Variants in LMBRD1 observed in about 807,000 individuals in gnomAD.
LMBRD1 encodes lysosomal cobalamin transport escort protein LMBD1.
Under a neutral mutation model 74.8 loss-of-function variants are expected in LMBRD1, and 64 were observed. That is an observed-to-expected ratio of 0.86 (90% confidence interval 0.70 to 1.05). The LOEUF (loss-of-function observed/expected upper bound fraction) is 1.05. Among genes scored for constraint, LMBRD1 ranks in the 50% least tolerant of loss-of-function variants. The pLI is 0.00. For missense variants in LMBRD1, 652 were observed against 645.9 expected (o/e 1.01, Z -0.10); for synonymous variants, 204 against 216.3 (o/e 0.94, Z 0.50).
At chr6:69,734,145 AG>A (rs148597437) in intron 7 of LMBRD1, among the ~76,000 whole-genome samples, 2,716 of 152,304 alleles carry the variant, frequency 0.018, 77 homozygotes, top group African/African-American at 0.06. Flanking sequence ...AATAACTGCT[AG>A]GAAGTTGGAT....
intron 8 of LMBRD1, among the ~76,000 whole-genome samples, chr6:69,717,746 G>A (rs998638559): frequency 6.6e-6 from 1 of 152,148 alleles, no homozygotes; most frequent in African/African-American, 2.4e-5. Context: ...CAGATAGGCT[G>A]GAGTGCAGCG....
At chr6:69,692,549 T>C (rs1765911181) in intron 14 of LMBRD1, among the ~76,000 whole-genome samples, 1 of 152,302 alleles carries the variant, frequency 6.6e-6, no homozygotes, top group African/African-American at 2.4e-5. Flanking sequence ...AAATATTCAA[T>C]AGTGTTGCCA....
In LMBRD1 at chr6:69,716,005, T is replaced by C. The variant is rs138070420; in HGVS notation, c.763-2208A>G. Among the ~76,000 whole-genome samples, 1,076 of 152,358 alleles carry C rather than the reference T, an allele frequency of 7.1e-3. 23 individuals carry two copies. In the East Asian group the frequency reaches 0.079, roughly 11 times the overall value. ...GTGTATATGTAACACATTTTCTTTA[T>C]GCAGTCTACCATTGATGAGCATTTA... is the stretch of plus-strand genomic sequence containing the variant. On this transcript the variant is annotated intron_variant, in intron 8 of 15. Coordinates refer to ENST00000649934, the MANE Select transcript of LMBRD1 (RefSeq NM_018368.4).
chr6:69,739,319 C>T (rs1378877626), intron 6 of LMBRD1, among the ~76,000 whole-genome samples: 1 of 151,904 alleles, frequency 6.6e-6, no homozygotes, highest in Non-Finnish European at 1.5e-5. Flanking sequence ...TTAATTATTC[C>T]CATTTGGGTA....
chr6:69,680,475 T>C (rs991135057), intron 14 of LMBRD1, among the ~76,000 whole-genome samples: 6 of 152,154 alleles, frequency 3.9e-5, no homozygotes, highest in African/African-American at 1.4e-4. Context: ...TCTCCAGACA[T>C]CTAATAATCC....
At chr6:69,690,901 G>T (rs1765861773) in intron 14 of LMBRD1, among the ~76,000 whole-genome samples, 1 of 152,006 alleles carries the variant, frequency 6.6e-6, no homozygotes, top group African/African-American at 2.4e-5. Flanking sequence ...TTTAAGATTT[G>T]CTAGTTGCTA....
intron 7 of LMBRD1, among the ~76,000 whole-genome samples, 190 bp from the exon 8 acceptor site, chr6:69,719,271 G>A (rs1037623294): frequency 4.6e-5 from 7 of 152,088 alleles, no homozygotes; most frequent in African/African-American, 1.7e-4. Context: ...GCATTAAACA[G>A]AGTCAAATTT....
At chr6:69,762,941 A>G (rs746512047) in intron 3 of LMBRD1, among the ~76,000 whole-genome samples, 1 of 152,178 alleles carries the variant, frequency 6.6e-6, no homozygotes, top group Admixed American at 6.6e-5. Context: ...AGTATGTGGT[A>G]TTTTGTTAGA....
chr6:69,780,439 G>GT, intron 3 of LMBRD1, 55 bp downstream of exon 3: 1 of 1,262,438 alleles, frequency 7.9e-7, no homozygotes, highest in Non-Finnish European at 1.2e-6. Context: ...CATCGGAGTC[G>GT]TATCAGTATT....
intron 7 of LMBRD1, among the ~76,000 whole-genome samples, chr6:69,719,891 G>A (rs1766576727): frequency 6.6e-6 from 1 of 152,082 alleles, no homozygotes; most frequent in African/African-American, 2.4e-5. Flanking sequence ...CCTGTTAGAT[G>A]GGCCATGAGA....
At chr6:69,695,590 C>G (rs1463055178) in intron 14 of LMBRD1, among the ~76,000 whole-genome samples, 1 of 152,148 alleles carries the variant, frequency 6.6e-6, no homozygotes, top group African/African-American at 2.4e-5. Context: ...CTTATAACAC[C>G]TAATACAATG....
At chr6:69,713,557 T>C in intron 9 of LMBRD1, 88 bp downstream of exon 9, 3 of 1,326,632 alleles carry the variant, frequency 2.3e-6, no homozygotes, top group East Asian at 2.3e-5. Flanking sequence ...CATGCTGTAA[T>C]GCCTCAAAAG....
chr6:69,728,175 G>C (rs1449183693), intron 7 of LMBRD1, among the ~76,000 whole-genome samples: 1 of 152,190 alleles, frequency 6.6e-6, no homozygotes, highest in Non-Finnish European at 1.5e-5. Context: ...AGGAAGAAGA[G>C]AGTGAAGTGG....
At chr6:69,779,269 T>C (rs2149892520) in intron 3 of LMBRD1, among the ~76,000 whole-genome samples, 1 of 152,028 alleles carries the variant, frequency 6.6e-6, no homozygotes, top group East Asian at 1.9e-4. Context: ...CAGTTTCCCA[T>C]TTAATGTCCT....
Position 69,737,827 on chromosome 6 carries a change from A to C in LMBRD1, c.636+115T>G. The C allele has an allele frequency of 5.1e-6, 4 of 784,084 alleles. 1 individual carries two copies. The highest frequency in any genetic ancestry group is 8.4e-6 in the Non-Finnish European group (4 of 476,784). The allele number at this position is 784,084 out of a possible 1,614,324, so 48.6% of individuals were successfully genotyped here. ...CTTAAGTAAAGAAAACTGAAGAAAA[A>C]TTGAAAAAGAATCAAAATATTATAA... is the stretch of plus-strand genomic sequence containing the variant. On this transcript the variant is annotated intron_variant, in intron 7 of 15. Coordinates refer to ENST00000649934, the MANE Select transcript of LMBRD1 (RefSeq NM_018368.4).
chr6:69,703,995 A>T (rs1766192813), intron 9 of LMBRD1, among the ~76,000 whole-genome samples: 1 of 152,020 alleles, frequency 6.6e-6, no homozygotes, highest in African/African-American at 2.4e-5. Context: ...TCATGATTAT[A>T]TTTAGATTAT....
At chr6:69,736,513 C>T (rs1452680234) in intron 7 of LMBRD1, among the ~76,000 whole-genome samples, 1 of 152,152 alleles carries the variant, frequency 6.6e-6, no homozygotes, top group Non-Finnish European at 1.5e-5. Flanking sequence ...AGTTGTCATC[C>T]ACAAAACTGG....
chr6:69,680,028 G>A (rs967517442), intron 14 of LMBRD1, among the ~76,000 whole-genome samples: 2 of 152,066 alleles, frequency 1.3e-5, no homozygotes, highest in Non-Finnish European at 2.9e-5. Context: ...CTCTGTGCAT[G>A]CCCATTATTT....
intron 5 of LMBRD1, among the ~76,000 whole-genome samples, chr6:69,744,775 A>G (rs763828706): frequency 6.6e-6 from 1 of 151,850 alleles, no homozygotes; most frequent in Non-Finnish European, 1.5e-5. Flanking sequence ...CTTCCTACCT[A>G]CTATTTACAT....
Sources: gnomAD v4.1 joint callset for allele counts (sites outside exome capture counted in the v4.1 genomes callset) on GRCh38, gnomAD v4.1.1 for gene constraint, MANE v1.5 for transcripts, NCBI Gene and HGNC (gene_info 2026-07-23, HGNC 2026-07-21) for gene names.